The following RAB1A variants were observed in gnomAD, a reference collection of about 807,000 sequenced individuals.
RAB1A encodes ras-related protein Rab-1A.
In RAB1A, 2 loss-of-function variants were observed where a neutral mutation model predicts 26.0. The observed-to-expected ratio is 0.08, with a 90% CI of 0.03 to 0.24. The LOEUF is 0.24. RAB1A is among the 10% of genes least tolerant of loss of function. The pLI is 1.00. For missense variants in RAB1A, 100 were observed against 247.0 expected (o/e 0.40, Z 3.99); for synonymous variants, 84 against 84.9 (o/e 0.99, Z 0.06).
Position 65,094,440 on chromosome 2 carries a change from C to A in RAB1A, c.193-3362G>T, listed in dbSNP as rs573237993. 7.9e-5 allele frequency among the ~76,000 whole-genome samples: 12 copies of A among 152,112 alleles called. No individual in the cohort carries two copies. In the East Asian group the frequency reaches 2.3e-3, roughly 29 times the overall value. ...TCTCTACTAAAAATACAAAATTAGC[C>A]CGGCGTGGTGGCACATGCCTGTAAT... On this transcript the variant is annotated intron_variant, in intron 3 of 5. Coordinates refer to ENST00000409784, the MANE Select transcript of RAB1A (RefSeq NM_004161.5).
intron 1 of RAB1A, among the ~76,000 whole-genome samples, chr2:65,128,113 T>TA (rs1670147170): frequency 6.6e-6 from 1 of 152,130 alleles, no homozygotes; most frequent in South Asian, 2.1e-4. Context: ...AAATGATGCA[T>TA]ACCACCTGAA....
At chr2:65,129,450 G>A (rs1224116134) in intron 1 of RAB1A, among the ~76,000 whole-genome samples, 4 of 152,162 alleles carry the variant, frequency 2.6e-5, no homozygotes, top group African/African-American at 9.7e-5. Context: ...AGTAAAGCTG[G>A]TTTCTACCCC....
At chr2:65,095,020 C>CT (rs1418571405) in intron 3 of RAB1A, among the ~76,000 whole-genome samples, 13 of 152,228 alleles carry the variant, frequency 8.5e-5, no homozygotes, top group African/African-American at 3.1e-4. Context: ...AAGAAACAGG[C>CT]TTCAGCTCAA....
chr2:65,127,572 C>A (rs148150388), intron 1 of RAB1A, among the ~76,000 whole-genome samples: 2,137 of 152,174 alleles, frequency 0.014, 46 homozygotes, highest in Non-Finnish European at 0.017. Flanking sequence ...ACCAAAAATA[C>A]AAAATTAGCC....
intron 1 of RAB1A, among the ~76,000 whole-genome samples, chr2:65,111,751 A>T (rs549173145): frequency 6.6e-6 from 1 of 152,246 alleles, no homozygotes; most frequent in Non-Finnish European, 1.5e-5. Context: ...AATTTAGTTC[A>T]AAATAAAAAG....
chr2:65,095,917 G>T (rs1328366266), intron 3 of RAB1A, among the ~76,000 whole-genome samples: 3 of 152,122 alleles, frequency 2.0e-5, no homozygotes, highest in Non-Finnish European at 4.4e-5. Flanking sequence ...ACTTTGGGAA[G>T]CCGAGTCAGG....
chr2:65,102,629 A>T (rs1390899128), intron 2 of RAB1A, among the ~76,000 whole-genome samples: 1 of 17,546 alleles, frequency 5.7e-5, no homozygotes, highest in Non-Finnish European at 1.5e-4. Context: ...TTTCAAGTTA[A>T]AAAAAAAAAA....
At chr2:65,100,480 C>T (rs1669397601) in intron 2 of RAB1A, among the ~76,000 whole-genome samples, 1 of 150,338 alleles carries the variant, frequency 6.7e-6, no homozygotes, top group South Asian at 2.1e-4. Flanking sequence ...TATATAGAGG[C>T]CAGGCGCAGT....
intron 1 of RAB1A, among the ~76,000 whole-genome samples, chr2:65,122,837 G>A (rs1419164297): frequency 3.3e-5 from 5 of 151,718 alleles, no homozygotes; most frequent in East Asian, 2.0e-4. Flanking sequence ...TGGGCCTGGC[G>A]GCGGGCACCT....
intron 3 of RAB1A, among the ~76,000 whole-genome samples, chr2:65,093,470 A>T (rs1669215729): frequency 6.6e-6 from 1 of 152,208 alleles, no homozygotes. Flanking sequence ...ATAAAGACCC[A>T]GATGTCACAC....
chr2:65,122,863 C>T (rs1019160216), intron 1 of RAB1A, among the ~76,000 whole-genome samples: 1 of 148,262 alleles, frequency 6.7e-6, no homozygotes, highest in Non-Finnish European at 1.5e-5. Flanking sequence ...CCCAGCTAAT[C>T]GGGAGGCTGA....
chr2:65,100,544 T>C (rs1669399224), intron 2 of RAB1A, among the ~76,000 whole-genome samples: 1 of 150,684 alleles, frequency 6.6e-6, no homozygotes, highest in South Asian at 2.1e-4. Context: ...AGGCTCACTT[T>C]AGATCAGGAG....
At chr2:65,125,863 CCTTTT>C (rs1573095126) in intron 1 of RAB1A, among the ~76,000 whole-genome samples, 2 of 121,964 alleles carry the variant, frequency 1.6e-5, no homozygotes, top group Admixed American at 1.7e-4. Context: ...CTTTCAATTG[CCTTTT>C]TTTTTTTTTT....
chr2:65,108,658 T>G (rs1383234971), intron 1 of RAB1A, among the ~76,000 whole-genome samples: 2 of 151,510 alleles, frequency 1.3e-5, no homozygotes, highest in Non-Finnish European at 2.9e-5. Context: ...AATACAAAAT[T>G]AGCCAGGCAT....
intron 3 of RAB1A, among the ~76,000 whole-genome samples, chr2:65,091,982 A>G (rs536259334): frequency 6.6e-6 from 1 of 152,250 alleles, no homozygotes; most frequent in Non-Finnish European, 1.5e-5. Flanking sequence ...TGGGTTTTAA[A>G]AAACTGTTGG....
intron 2 of RAB1A, among the ~76,000 whole-genome samples, chr2:65,101,742 CTTT>C (rs71401771): frequency 9.9e-5 from 7 of 70,678 alleles, no homozygotes; most frequent in African/African-American, 4.7e-4. Flanking sequence ...GTATTACTTC[CTTT>C]TTTTTTTTTT....
At chr2:65,098,128 TGG>T in intron 2 of RAB1A, 62 bp from the exon 3 acceptor site, 1 of 942,620 alleles carries the variant, frequency 1.1e-6, no homozygotes, top group Non-Finnish European at 1.5e-6. Context: ...CAAGTCTAAG[TGG>T]AAAAAAAAAA....
chr2:65,110,974 A>G (rs1669681039), intron 1 of RAB1A, among the ~76,000 whole-genome samples: 1 of 152,112 alleles, frequency 6.6e-6, no homozygotes, highest in Admixed American at 6.6e-5. Flanking sequence ...AAGAAAAAAT[A>G]ATTGCTGCAA....
At chr2:65,095,123 AAAAG>A (rs1269775697) in intron 3 of RAB1A, among the ~76,000 whole-genome samples, 2 of 152,204 alleles carry the variant, frequency 1.3e-5, no homozygotes, top group Non-Finnish European at 2.9e-5. Context: ...TGTCTCAGAA[AAAAG>A]AAAAAAAGAA....
Sources: allele counts gnomAD v4.1 joint callset (sites outside exome capture counted in the v4.1 genomes callset), GRCh38; gene constraint gnomAD v4.1.1; transcripts MANE v1.5; gene names NCBI Gene and HGNC (gene_info 2026-07-23, HGNC 2026-07-21).